Variants in SNRPN observed in about 807,000 individuals in gnomAD.
SNRPN encodes small nuclear ribonucleoprotein-associated protein N.
Under a neutral mutation model 25.2 loss-of-function variants are expected in SNRPN, and 7 were observed. The observed-to-expected ratio is 0.28, with a 90% CI of 0.16 to 0.52. SNRPN has a LOEUF of 0.52. Among genes scored for constraint, SNRPN ranks in the 20% least tolerant of loss-of-function variants. The pLI is 0.96. For synonymous variants in SNRPN, 124 were observed against 110.6 expected, an observed-to-expected ratio of 1.12 and a Z score of -0.76; for missense variants, 196 against 322.5, an observed-to-expected ratio of 0.61 and a Z score of 3.00.
chr15:24,932,649 T>G (rs1455014873), intron 3 of SNRPN, among the ~76,000 whole-genome samples: 1 of 54,170 alleles, frequency 1.8e-5, no homozygotes, highest in East Asian at 7.1e-4. Context: ...TCTGTAAATG[T>G]TTTTTTTTTT....
chr15:24,859,220 C>T (rs992773167), intron 1 of SNRPN, among the ~76,000 whole-genome samples: 1 of 152,118 alleles, frequency 6.6e-6, no homozygotes, highest in Non-Finnish European at 1.5e-5. Flanking sequence ...CACCCCTCTG[C>T]GCAGAAGTAA....
intron 2 of SNRPN, among the ~76,000 whole-genome samples, chr15:24,831,038 G>A (rs1442320951): frequency 6.6e-6 from 1 of 151,962 alleles, no homozygotes; most frequent in East Asian, 1.9e-4. Context: ...AGTCTCCAAC[G>A]ATAATAGCGG....
At chr15:24,917,121 A>T (rs2152397805) in intron 2 of SNRPN, among the ~76,000 whole-genome samples, 1 of 152,264 alleles carries the variant, frequency 6.6e-6, no homozygotes, top group Non-Finnish European at 1.5e-5. Context: ...CAGAGCACTG[A>T]TTGGTGCATT....
At chr15:24,954,656 A>T (rs904450080), upstream of SNRPN, among the ~76,000 whole-genome samples, 1 of 152,208 alleles carries the variant, frequency 6.6e-6, no homozygotes, top group Non-Finnish European at 1.5e-5. Flanking sequence ...GGTGAGTGTA[A>T]ATTAGGATTG....
At chr15:24,876,348 T>G (rs1002128434) in intron 1 of SNRPN, among the ~76,000 whole-genome samples, 1 of 152,162 alleles carries the variant, frequency 6.6e-6, no homozygotes, top group African/African-American at 2.4e-5. Context: ...CCAGGAGCTG[T>G]GGCTCATGCC....
At chr15:24,856,344 T>G (rs138924962), upstream of SNRPN, among the ~76,000 whole-genome samples, 1 of 152,258 alleles carries the variant, frequency 6.6e-6, no homozygotes, top group Non-Finnish European at 1.5e-5. Context: ...ATTTGCTTAG[T>G]CCATTCTTGG....
At chr15:24,952,100 TATACAC>T (rs1158120176), upstream of SNRPN, among the ~76,000 whole-genome samples, 1 of 152,150 alleles carries the variant, frequency 6.6e-6, no homozygotes, top group African/African-American at 2.4e-5. Context: ...ATGTGTAAAA[TATACAC>T]ATACACAAAT....
Position 24,929,159 on chromosome 15 carries a change from A to G in SNRPN, c.-391+9035A>G, listed in dbSNP as rs1294501498. Among the ~76,000 whole-genome samples the G allele has an allele frequency of 6.7e-6, 1 of 148,900 alleles. No homozygotes were observed. Among genetic ancestry groups the G allele is most frequent in the Non-Finnish European group, 1.5e-5 (1 of 68,008 alleles). On this transcript the variant is annotated intron_variant, in intron 3 of 11. Coordinates refer to the SNRPN transcript ENST00000400097. This position sits in a 1 kb window ranked among gnomAD's most constrained non-coding sequence, Gnocchi z 5.3. Reference sequence around the variant, plus strand: ...ATGTGACTATATGTATTGTGTATATATGTATGTAGCTATATGTGTGTATGT... The same window carrying G: ...ATGTGACTATATGTATTGTGTATATGTGTATGTAGCTATATGTGTGTATGT...
At chr15:24,920,070 C>T (rs1445936679) in exon 3 of SNRPN, 1 of 152,142 alleles carries the variant, frequency 6.6e-6, no homozygotes, top group Non-Finnish European at 1.5e-5. Flanking sequence ...ACCAGAATCT[C>T]CTCTACAGAT....
At chr15:24,882,747 C>T (rs2056818652) in intron 1 of SNRPN, among the ~76,000 whole-genome samples, 1 of 151,284 alleles carries the variant, frequency 6.6e-6, no homozygotes, top group Non-Finnish European at 1.5e-5. Flanking sequence ...TCGCTTGAAC[C>T]CAGGAGGCAG....
intron 3 of SNRPN, among the ~76,000 whole-genome samples, chr15:24,935,789 A>G (rs924803497): frequency 6.6e-6 from 1 of 152,124 alleles, no homozygotes; most frequent in Non-Finnish European, 1.5e-5. Flanking sequence ...AAAGTGGACT[A>G]TGGGTGCTCA....
intron 1 of SNRPN, among the ~76,000 whole-genome samples, chr15:24,828,890 G>C (rs544995103): frequency 6.6e-6 from 1 of 152,194 alleles, no homozygotes; most frequent in African/African-American, 2.4e-5. Context: ...GAGCAGCGTG[G>C]CCCAGGGGAG....
At chr15:24,977,384 A>C (rs543688614) in intron 7 of SNRPN, among the ~76,000 whole-genome samples, 6 of 152,190 alleles carry the variant, frequency 3.9e-5, no homozygotes, top group Non-Finnish European at 7.4e-5. Context: ...TTACGCCTGT[A>C]ATCCAGCACT....
chr15:24,849,065 TGGGATTACC>T (rs2052547179), intron 2 of SNRPN: 6 of 152,210 alleles, frequency 3.9e-5, no homozygotes, highest in Non-Finnish European at 8.8e-5. Context: ...CCCGGGTAGC[TGGGATTACC>T]GGCACATGCC....
chr15:24,848,230 G>GCGGGGGC (rs1177167977), intron 2 of SNRPN: 2 of 126,798 alleles, frequency 1.6e-5, no homozygotes, highest in Non-Finnish European at 1.7e-5. Context: ...GGGGGCGGCG[G>GCGGGGGC]TGGGGGCGGG....
upstream of SNRPN, among the ~76,000 whole-genome samples, chr15:24,952,200 CTT>C (rs141613044): frequency 8.2e-3 from 1,250 of 151,914 alleles, 14 homozygotes; most frequent in African/African-American, 0.028. Flanking sequence ...TAACAAGTGA[CTT>C]ATATTTTATT....
intron 3 of SNRPN, among the ~76,000 whole-genome samples, chr15:24,924,565 A>T (rs73354147): frequency 0.035 from 5,311 of 152,110 alleles, 298 homozygotes; most frequent in African/African-American, 0.12. Flanking sequence ...AGCACACCAA[A>T]GCATCATATT....
intron 1 of SNRPN, among the ~76,000 whole-genome samples, chr15:24,868,225 A>G (rs918567609): frequency 3.9e-5 from 6 of 152,190 alleles, no homozygotes; most frequent in Non-Finnish European, 8.8e-5. Context: ...ACAAATGACT[A>G]TTGTTTCCTT....
chr15:24,958,401 T>G (rs1442615179), intron 1 of SNRPN, among the ~76,000 whole-genome samples: 1 of 150,792 alleles, frequency 6.6e-6, no homozygotes, highest in East Asian at 2.0e-4. Flanking sequence ...TTTTTTTTTT[T>G]GTGGCCCAGG....
Sources: allele counts gnomAD v4.1 joint callset (sites outside exome capture counted in the v4.1 genomes callset), GRCh38; gene constraint gnomAD v4.1.1; non-coding constraint Gnocchi (gnomAD v3.1); transcripts MANE v1.5; gene names NCBI Gene and HGNC (gene_info 2026-07-23, HGNC 2026-07-21).